The following INPP4B variants were observed in gnomAD, a reference collection of about 807,000 sequenced individuals.
INPP4B encodes the protein inositol polyphosphate-4-phosphatase type II B, also known as inositol polyphosphate 4-phosphatase type II.
Under a neutral mutation model 122.5 loss-of-function variants are expected in INPP4B, and 55 were observed. That is an observed-to-expected ratio of 0.45 (90% CI 0.36 to 0.56). The LOEUF (loss-of-function observed/expected upper bound fraction) is 0.56. Ranked by LOEUF, INPP4B falls within the 20% of genes least tolerant of loss-of-function variation. INPP4B has a pLI of 0.00. For synonymous variants in INPP4B, 403 were observed against 388.7 expected (o/e 1.04, Z -0.43); for missense variants, 1,000 against 1,097.7 (o/e 0.91, Z 1.26).
chr4:142,323,256 C>T (rs1257856838), intron 7 of INPP4B, among the ~76,000 whole-genome samples: 1 of 152,050 alleles, frequency 6.6e-6, no homozygotes, highest in African/African-American at 2.4e-5. Flanking sequence ...TCAGGCTTAC[C>T]ACAGACACGT....
chr4:142,809,063 G>A (rs954896795), intron 1 of INPP4B, among the ~76,000 whole-genome samples: 3 of 151,966 alleles, frequency 2.0e-5, no homozygotes, highest in Admixed American at 2.0e-4. Flanking sequence ...TCAGTAAATG[G>A]ATTAGATTTT....
At chr4:142,335,108 G>GAAAAAAAAAAAAA (rs36074851) in intron 7 of INPP4B, among the ~76,000 whole-genome samples, 7 of 65,126 alleles carry the variant, frequency 1.1e-4, no homozygotes, top group African/African-American at 4.7e-4. Context: ...TGGGAAAAAT[G>GAAAAAAAAAAAAA]AAAAAAAAAA....
At chr4:142,380,373 G>C (rs968890307) in intron 7 of INPP4B, among the ~76,000 whole-genome samples, 10 of 152,062 alleles carry the variant, frequency 6.6e-5, no homozygotes, top group Non-Finnish European at 4.4e-5. Flanking sequence ...CTCTACAGAC[G>C]TTGAGCAGGC....
Position 142,140,331 on chromosome 4 carries a change from C to A in INPP4B, c.1720+5509G>T, listed in dbSNP as rs1269892830. Among the ~76,000 whole-genome samples, 5 of 152,262 alleles carry A rather than the reference C, an allele frequency of 3.3e-5. No individual in the cohort carries two copies. The South Asian group carries it at 1.0e-3, about 32-fold the overall frequency. On this transcript the variant is annotated intron_variant, in intron 18 of 25. Transcript: ENST00000262992. Reference sequence around the variant, plus strand: ...ATGGCATAGGATATTTGGCCTTTTACAGGGCATTTCATGACATACTTGTGA... The same window carrying A: ...ATGGCATAGGATATTTGGCCTTTTAAAGGGCATTTCATGACATACTTGTGA...
chr4:142,164,228 G>A (rs890093370), intron 16 of INPP4B, among the ~76,000 whole-genome samples: 3 of 151,782 alleles, frequency 2.0e-5, no homozygotes, highest in African/African-American at 7.3e-5. Context: ...AATATTAATG[G>A]CAGAGGAATA....
chr4:142,037,974 A>G (rs928740219), intron 25 of INPP4B, among the ~76,000 whole-genome samples: 1 of 152,190 alleles, frequency 6.6e-6, no homozygotes, highest in African/African-American at 2.4e-5. Flanking sequence ...AGTAACAAAT[A>G]GTAAAGAATC....
At chr4:142,217,714 G>A (rs1230428680) in intron 12 of INPP4B, among the ~76,000 whole-genome samples, 1 of 152,176 alleles carries the variant, frequency 6.6e-6, no homozygotes, top group East Asian at 1.9e-4. Flanking sequence ...GTTTCCATGA[G>A]GAGATTTTTG....
chr4:142,639,923 A>C (rs151208365), intron 2 of INPP4B, among the ~76,000 whole-genome samples: 6 of 152,180 alleles, frequency 3.9e-5, no homozygotes, highest in African/African-American at 1.4e-4. Context: ...TTGAAAAGAT[A>C]ATCTTTTCAA....
intron 4 of INPP4B, 39 bp from the exon 5 acceptor site, chr4:142,429,256 T>C: frequency 8.9e-7 from 1 of 1,122,508 alleles, no homozygotes; most frequent in South Asian, 1.4e-5. Context: ...TTTAAAAAAT[T>C]GAATTATCAA....
intron 7 of INPP4B, among the ~76,000 whole-genome samples, chr4:142,320,090 C>T (rs891802029): frequency 6.6e-6 from 1 of 152,152 alleles, no homozygotes; most frequent in African/African-American, 2.4e-5. Context: ...TTCTTGATGG[C>T]TGTTCACAGG....
chr4:142,190,714 AAG>A (rs201191334), intron 15 of INPP4B, among the ~76,000 whole-genome samples: 2 of 137,416 alleles, frequency 1.5e-5, no homozygotes, highest in African/African-American at 2.8e-5. Flanking sequence ...CAAGATCTGT[AAG>A]AGTGTGTGTG....
intron 2 of INPP4B, among the ~76,000 whole-genome samples, chr4:142,690,505 C>A (rs1760017430): frequency 6.6e-6 from 1 of 152,142 alleles, no homozygotes; most frequent in South Asian, 2.1e-4. Flanking sequence ...CCCACAGGAG[C>A]CCTGGCTGCC....
intron 9 of INPP4B, among the ~76,000 whole-genome samples, chr4:142,289,972 C>T (rs561020962): frequency 6.0e-4 from 92 of 152,180 alleles, no homozygotes; most frequent in Non-Finnish European, 1.2e-3. Context: ...ACCATCACTC[C>T]TCCCTTGAAT....
At chr4:142,701,611 A>G (rs1403678486) in intron 2 of INPP4B, among the ~76,000 whole-genome samples, 2 of 152,138 alleles carry the variant, frequency 1.3e-5, no homozygotes, top group Non-Finnish European at 2.9e-5. Flanking sequence ...ATGAAATTGT[A>G]GAATTTTTTG....
chr4:142,837,135 G>A (rs1349116876), intron 1 of INPP4B, among the ~76,000 whole-genome samples: 1 of 150,014 alleles, frequency 6.7e-6, no homozygotes, highest in Non-Finnish European at 1.5e-5. Flanking sequence ...CAGCCTGGAT[G>A]ACAAGAGGGA....
At chr4:142,385,539 C>T (rs1022078794) in intron 7 of INPP4B, among the ~76,000 whole-genome samples, 5 of 152,082 alleles carry the variant, frequency 3.3e-5, no homozygotes, top group Admixed American at 1.3e-4. Flanking sequence ...TCTTACCGAA[C>T]GATTATATTT....
intron 2 of INPP4B, among the ~76,000 whole-genome samples, chr4:142,557,192 G>T (rs1175676351): frequency 6.6e-6 from 1 of 152,102 alleles, no homozygotes; most frequent in Non-Finnish European, 1.5e-5. Flanking sequence ...TCCAGGGTAG[G>T]GCAGCTGATG....
chr4:142,418,731 G>GT lies in INPP4B; in HGVS notation c.136+10441dup, dbSNP rs372916010. ...AGCTAGAAAATTAACACAAGGTAAG[G>GT]TGAGAATGGCCTGCTCCTTAAGACC... On this transcript the variant is annotated intron_variant, in intron 5 of 25. Coordinates refer to ENST00000262992, the MANE Select transcript of INPP4B (RefSeq NM_001101669.3). Among the ~76,000 whole-genome samples the GT allele has an allele frequency of 4.3e-4, 66 of 152,240 alleles. 1 individual carries two copies. The East Asian group carries it at 0.011, about 26-fold the overall frequency.
At chr4:142,305,706 G>T in intron 8 of INPP4B, 169 bp from the exon 9 acceptor site, 1 of 1,443,258 alleles carries the variant, frequency 6.9e-7, no homozygotes. Context: ...CTACCTCATG[G>T]GGTAGGATTA....
Sources: allele counts gnomAD v4.1 joint callset (sites outside exome capture counted in the v4.1 genomes callset), GRCh38; gene constraint gnomAD v4.1.1; transcripts MANE v1.5; gene names NCBI Gene and HGNC (gene_info 2026-07-23, HGNC 2026-07-21).